The following MYH9 variants were observed in gnomAD, a reference collection of about 807,000 sequenced individuals.
MYH9 encodes myosin-9.
In MYH9, 29 loss-of-function variants were observed where a neutral mutation model predicts 241.9. The observed-to-expected ratio is 0.12, with a 90% CI of 0.09 to 0.16. The LOEUF is 0.16. Among genes scored for constraint, MYH9 ranks in the 10% least tolerant of loss-of-function variants. The probability of loss-of-function intolerance (pLI) is 1.00; values close to 1 mark genes in which losing one functional copy is unlikely to be tolerated. For missense variants in MYH9, 1,803 were observed against 2,595.5 expected, an observed-to-expected ratio of 0.69 and a Z score of 6.63; for synonymous variants, 1,047 against 1,062.6, an observed-to-expected ratio of 0.99 and a Z score of 0.29.
intron 1 of MYH9, among the ~76,000 whole-genome samples, chr22:36,377,398 C>G (rs936020535): frequency 1.3e-5 from 2 of 152,018 alleles, no homozygotes; most frequent in African/African-American, 4.8e-5. Context: ...GTGCCTCTAT[C>G]GCTTTGTAAC....
rs1025345994 is a variant in MYH9 at position 36,309,409 on chromosome 22, G to C, written c.1729-13C>G. ...CTTTGTAATCCACCTGGCGGGGTCA[G>C]AGAGGCAGGAGTCACAAGCTGCGCT... On this transcript the variant is annotated splice_polypyrimidine_tract_variant and intron_variant, in intron 14 of 40. Transcript: ENST00000216181. The C allele has an allele frequency of 2.5e-6, 4 of 1,600,838 alleles. No homozygotes were observed. The highest frequency in any genetic ancestry group is 1.3e-5 in the African/African-American group (1 of 74,700).
chr22:36,312,384 A>G (rs2017078994), intron 13 of MYH9, among the ~76,000 whole-genome samples, 162 bp from the exon 14 acceptor site: 1 of 152,202 alleles, frequency 6.6e-6, no homozygotes, highest in African/African-American at 2.4e-5. Flanking sequence ...TCTAGCTTCT[A>G]AAGAAACCTC....
chr22:36,301,687 G>A (rs750664948), intron 20 of MYH9, 22 bp from the exon 21 acceptor site: 1 of 1,611,722 alleles, frequency 6.2e-7, no homozygotes, highest in Non-Finnish European at 8.5e-7. Context: ...GATAGAGGTA[G>A]AGACATGCTC....
intron 18 of MYH9, among the ~76,000 whole-genome samples, chr22:36,304,540 C>T (rs1019563124): frequency 6.6e-6 from 1 of 152,228 alleles, no homozygotes; most frequent in African/African-American, 2.4e-5. Flanking sequence ...GGATTCAGCC[C>T]TGGCTTGGCA....
Position 36,330,735 on chromosome 22 carries a change from T to G in MYH9, c.491-3247A>C, listed in dbSNP as rs954420234. The stretch of plus-strand genomic sequence containing the variant: ...AGCACATTCAGAGTCCGGCCCAATC[T>G]GCTTGTTTTGGCTCGAGTCCTTATT... On this transcript the variant is annotated intron_variant, in intron 3 of 40. Coordinates refer to ENST00000216181, the MANE Select transcript of MYH9 (RefSeq NM_002473.6). This position sits in a 1 kb window ranked among gnomAD's most constrained non-coding sequence, Gnocchi z 4.5. Among the ~76,000 whole-genome samples, 3 of 152,080 alleles carry G rather than the reference T, an allele frequency of 2.0e-5. No individual in the cohort carries two copies. The highest frequency in any genetic ancestry group is 4.8e-5 in the African/African-American group (2 of 41,384).
chr22:36,362,882 G>A (rs1418361982), intron 1 of MYH9, among the ~76,000 whole-genome samples: 1 of 152,156 alleles, frequency 6.6e-6, no homozygotes, highest in Non-Finnish European at 1.5e-5. Context: ...AGCCCGCCCA[G>A]CATGGATAGA....
intron 24 of MYH9, chr22:36,297,335 TTG>T (rs2016804624): frequency 2.8e-6 from 1 of 350,932 alleles, no homozygotes; most frequent in East Asian, 6.3e-5. Flanking sequence ...ACATGTTCAA[TTG>T]TGTGTGAATC....
chr22:36,308,668 G>T, intron 15 of MYH9: 2 of 299,248 alleles, frequency 6.7e-6, no homozygotes, highest in Non-Finnish European at 9.9e-6. Context: ...GAAGCCCAGG[G>T]GCAGATCAGG....
intron 28 of MYH9, 76 bp downstream of exon 28, chr22:36,294,016 A>G: frequency 6.5e-7 from 1 of 1,540,112 alleles, no homozygotes; most frequent in East Asian, 2.2e-5. Context: ...CAGAGAGCAC[A>G]CATGCACCTG....
At chr22:36,386,441 C>T (rs1473800850) in intron 1 of MYH9, among the ~76,000 whole-genome samples, 1 of 152,220 alleles carries the variant, frequency 6.6e-6, no homozygotes, top group Non-Finnish European at 1.5e-5. Context: ...CCTAAGCCAT[C>T]AGGTGAGCCA....
chr22:36,297,215 C>T, intron 24 of MYH9: 1 of 614,410 alleles, frequency 1.6e-6, no homozygotes, highest in Middle Eastern at 4.3e-4. Context: ...ATGTCTCTCT[C>T]CAACTCACCC....
At chr22:36,289,323 G>A in intron 31 of MYH9, 26 bp from the exon 32 acceptor site, 2 of 1,588,902 alleles carry the variant, frequency 1.3e-6, no homozygotes, top group Non-Finnish European at 1.7e-6. Context: ...GCACCATGAG[G>A]CTCAGAGCTA....
At chr22:36,324,489 A>G (rs1211582090) in intron 5 of MYH9, among the ~76,000 whole-genome samples, 1 of 152,232 alleles carries the variant, frequency 6.6e-6, no homozygotes, top group East Asian at 1.9e-4. Flanking sequence ...TCTGCCTGGA[A>G]AGCCCCTTGG....
intron 3 of MYH9, among the ~76,000 whole-genome samples, chr22:36,338,819 C>CAA (rs1328134632): frequency 2.7e-5 from 3 of 110,886 alleles, no homozygotes; most frequent in African/African-American, 3.4e-5. Flanking sequence ...GACTCCATCT[C>CAA]AAAAAAAAAA....
At chr22:36,314,001 T>TC in intron 13 of MYH9, 144 bp downstream of exon 13, 2 of 1,098,260 alleles carry the variant, frequency 1.8e-6, no homozygotes, top group Non-Finnish European at 2.7e-6. Context: ...GATCTCAGCC[T>TC]TGGGGCTTCA....
chr22:36,298,600 T>C (rs925842400), intron 24 of MYH9, among the ~76,000 whole-genome samples: 16 of 152,050 alleles, frequency 1.1e-4, no homozygotes, highest in African/African-American at 3.6e-4. Context: ...CGGAGCCTCC[T>C]AGGAAGTCTC....
intron 1 of MYH9, among the ~76,000 whole-genome samples, chr22:36,379,430 A>T (rs951798680): frequency 6.6e-6 from 1 of 152,122 alleles, no homozygotes; most frequent in Admixed American, 6.5e-5. Context: ...AATGGCGTGA[A>T]CCCGGGAGGT....
chr22:36,319,113 C>T (rs1464788860), intron 10 of MYH9, among the ~76,000 whole-genome samples: 1 of 152,100 alleles, frequency 6.6e-6, no homozygotes, highest in East Asian at 1.9e-4. Flanking sequence ...TTAGAGAGAC[C>T]CTAAGGAGGG....
At position 36,319,705 on chromosome 22, in the gene MYH9, T is replaced by C. The variant is rs1321104056; in HGVS notation, c.1013-70A>G. The C allele has an allele frequency of 4.1e-6, 6 of 1,446,426 alleles. No individual in the cohort carries two copies. The South Asian group carries it at 4.6e-5, about 11-fold the overall frequency. The allele number at this position is 1,446,426 out of a possible 1,614,324, so 89.6% of individuals were successfully genotyped here. A position where few individuals can be genotyped will look rare whatever the true frequency, so the allele number is the denominator to read the frequency against. On this transcript the variant is annotated intron_variant, in intron 9 of 40. Transcript: ENST00000216181. ...GGTGATTCCCGGGGGTGGGGGCCAC[T>C]CATCTAGGGATCCTCAAGCCAGACA...
Sources: gnomAD v4.1 joint callset for allele counts (sites outside exome capture counted in the v4.1 genomes callset) on GRCh38, gnomAD v4.1.1 for gene constraint, Gnocchi (gnomAD v3.1) non-coding constraint, MANE v1.5 for transcripts, NCBI Gene and HGNC (gene_info 2026-07-23, HGNC 2026-07-21) for gene names.